The following GRM7 variants were observed in gnomAD, a reference collection of about 807,000 sequenced individuals.
GRM7 encodes metabotropic glutamate receptor 7.
A neutral mutation model predicts 84.5 loss-of-function variants in GRM7; 35 were observed. The observed-to-expected ratio is 0.41, with a 90% confidence interval of 0.32 to 0.55. GRM7 has a LOEUF of 0.55. Ranked by LOEUF, GRM7 falls within the 20% of genes least tolerant of loss-of-function variation. GRM7 has a pLI of 0.19. For synonymous variants in GRM7, 487 were observed against 455.1 expected, an observed-to-expected ratio of 1.07 and a Z score of -0.89; for missense variants, 1,003 against 1,194.6, an observed-to-expected ratio of 0.84 and a Z score of 2.36.
At chr3:7,357,595 T>A (rs1693467209) in intron 4 of GRM7, among the ~76,000 whole-genome samples, 1 of 152,144 alleles carries the variant, frequency 6.6e-6, no homozygotes, top group Admixed American at 6.6e-5. Flanking sequence ...AAAATCAGAA[T>A]GTTTTATTAC....
intron 1 of GRM7, among the ~76,000 whole-genome samples, chr3:7,117,787 T>G (rs536770308): frequency 3.9e-4 from 60 of 152,344 alleles, no homozygotes; most frequent in Non-Finnish European, 8.1e-4. Context: ...GTGGCAGTAG[T>G]AACTGTTTAC....
intron 1 of GRM7, among the ~76,000 whole-genome samples, chr3:6,897,800 TAG>T (rs1333809904): frequency 2.6e-5 from 4 of 152,188 alleles, no homozygotes; most frequent in Non-Finnish European, 5.9e-5. Context: ...GAGCAGGATG[TAG>T]GGAAACAGAG....
At chr3:7,123,064 C>G (rs1693278219) in intron 1 of GRM7, among the ~76,000 whole-genome samples, 1 of 152,234 alleles carries the variant, frequency 6.6e-6, no homozygotes, top group Non-Finnish European at 1.5e-5. Flanking sequence ...TAATCAGAAA[C>G]ATTTCATCTT....
At chr3:7,170,215 AG>A in intron 2 of GRM7, among the ~76,000 whole-genome samples, 1 of 152,292 alleles carries the variant, frequency 6.6e-6, no homozygotes, top group South Asian at 2.1e-4. Flanking sequence ...AATTACAAAA[AG>A]CAGCTCTTAG....
intron 9 of GRM7, among the ~76,000 whole-genome samples, chr3:7,711,490 G>A (rs1701575322): frequency 6.6e-6 from 1 of 152,138 alleles, no homozygotes; most frequent in Non-Finnish European, 1.5e-5. Flanking sequence ...TGAGAAGCTG[G>A]CAGTGAGAAG....
At chr3:7,608,654 T>C (rs1696705631) in intron 8 of GRM7, among the ~76,000 whole-genome samples, 1 of 152,184 alleles carries the variant, frequency 6.6e-6, no homozygotes, top group Non-Finnish European at 1.5e-5. Flanking sequence ...TTTTCTTCCA[T>C]TTTGTAGGTT....
At chr3:7,713,596 A>G (rs1701666785) in intron 9 of GRM7, among the ~76,000 whole-genome samples, 1 of 152,028 alleles carries the variant, frequency 6.6e-6, no homozygotes, top group African/African-American at 2.4e-5. Flanking sequence ...GAGTTCTCTG[A>G]TCAGAATTTG....
chr3:7,267,696 T>A (rs1698695851), intron 2 of GRM7, among the ~76,000 whole-genome samples: 1 of 152,058 alleles, frequency 6.6e-6, no homozygotes, highest in Non-Finnish European at 1.5e-5. Flanking sequence ...AAATTGGGGA[T>A]TTTATATAGC....
At chr3:7,035,861 A>G (rs1393349575) in intron 1 of GRM7, among the ~76,000 whole-genome samples, 1 of 152,256 alleles carries the variant, frequency 6.6e-6, no homozygotes, top group Non-Finnish European at 1.5e-5. Flanking sequence ...TAGCACAGCC[A>G]AGACACAAAT....
chr3:7,439,235 G>A (rs566924717), intron 5 of GRM7, among the ~76,000 whole-genome samples: 1 of 152,202 alleles, frequency 6.6e-6, no homozygotes, highest in East Asian at 1.9e-4. Flanking sequence ...CTTTCCAAGG[G>A]CATTTGTATA....
At chr3:7,053,028 C>A (rs1446614135) in intron 1 of GRM7, among the ~76,000 whole-genome samples, 1 of 149,482 alleles carries the variant, frequency 6.7e-6, no homozygotes, top group Non-Finnish European at 1.5e-5. Flanking sequence ...TTTTAGCATG[C>A]CAGTTGGTCA....
At chr3:7,407,902 C>T (rs1575290977) in intron 4 of GRM7, among the ~76,000 whole-genome samples, 1 of 152,112 alleles carries the variant, frequency 6.6e-6, no homozygotes, top group Non-Finnish European at 1.5e-5. Context: ...TTTTCCTCAC[C>T]TTATATGTGT....
chr3:7,510,033 C>A (rs935591187), intron 7 of GRM7, among the ~76,000 whole-genome samples: 1 of 152,104 alleles, frequency 6.6e-6, no homozygotes, highest in African/African-American at 2.4e-5. Context: ...TGCCTTAAAC[C>A]AAGTGCATCA....
chr3:7,337,133 G>C (rs1167513068), intron 4 of GRM7, among the ~76,000 whole-genome samples: 1 of 152,034 alleles, frequency 6.6e-6, no homozygotes, highest in African/African-American at 2.4e-5. Flanking sequence ...ACAGCCAACT[G>C]CTCTTTGACA....
rs115545159 is a variant in GRM7 at position 7,102,537 on chromosome 3, C to T, written c.520-43915C>T. 7.7e-3 allele frequency among the ~76,000 whole-genome samples: 1,171 copies of T among 151,738 alleles called. 18 individuals are homozygous for T. The highest frequency in any genetic ancestry group is 0.027 in the African/African-American group (1,106 of 41,454). Reference sequence around the variant, plus strand: ...TGATGTGCCTAAGTGTGGTTTTCTTCGTATTTATCCTGCTTAGAGTTTGTT... The same window carrying T: ...TGATGTGCCTAAGTGTGGTTTTCTTTGTATTTATCCTGCTTAGAGTTTGTT... On this transcript the variant is annotated intron_variant, in intron 1 of 9. Coordinates refer to ENST00000357716, the MANE Select transcript of GRM7 (RefSeq NM_000844.4).
chr3:7,230,965 C>T (rs1171530478), intron 2 of GRM7, among the ~76,000 whole-genome samples: 2 of 152,168 alleles, frequency 1.3e-5, no homozygotes, highest in Admixed American at 1.3e-4. Flanking sequence ...TTCATACTCA[C>T]CCATCCAGCC....
At chr3:7,099,362 GTATACATA>G (rs1236652729) in intron 1 of GRM7, among the ~76,000 whole-genome samples, 2 of 146,356 alleles carry the variant, frequency 1.4e-5, no homozygotes, top group East Asian at 4.0e-4. Context: ...ATGTACACAT[GTATACATA>G]TATACATATA....
At chr3:7,339,950 T>C (rs1314937482) in intron 4 of GRM7, among the ~76,000 whole-genome samples, 1 of 152,096 alleles carries the variant, frequency 6.6e-6, no homozygotes, top group Non-Finnish European at 1.5e-5. Context: ...TTAAATGTAA[T>C]TATCTAGGAG....
chr3:7,193,929 A>AC (rs1419657300), intron 2 of GRM7, among the ~76,000 whole-genome samples: 4 of 152,128 alleles, frequency 2.6e-5, no homozygotes, highest in Non-Finnish European at 5.9e-5. Flanking sequence ...AGAGCTGACA[A>AC]CAGATATCTT....
Sources: gnomAD v4.1 joint callset for allele counts (sites outside exome capture counted in the v4.1 genomes callset) on GRCh38, gnomAD v4.1.1 for gene constraint, MANE v1.5 for transcripts, NCBI Gene and HGNC (gene_info 2026-07-23, HGNC 2026-07-21) for gene names.